SRD5A2: variants seen among roughly 807,000 people sequenced by gnomAD.
SRD5A2 encodes steroid 5 alpha-reductase 2, also known as 3-oxo-5-alpha-steroid 4-dehydrogenase 2.
Under a neutral mutation model 27.4 loss-of-function variants are expected in SRD5A2, and 30 were observed. The ratio of observed to expected loss-of-function variants is 1.10; its 90% CI spans 0.82 to 1.49. The LOEUF (loss-of-function observed/expected upper bound fraction) is 1.49, where lower values mean the gene tolerates loss of function less well. Ranked by LOEUF, SRD5A2 falls within the 40% of genes most tolerant of loss-of-function variation. The pLI, the probability that SRD5A2 is intolerant of heterozygous loss-of-function variation, is 0.00. For missense variants in SRD5A2, 348 were observed against 323.4 expected, an observed-to-expected ratio of 1.08 and a Z score of -0.58; for synonymous variants, 141 against 133.6, an observed-to-expected ratio of 1.06 and a Z score of -0.38.
the SRD5A2 span, among the ~76,000 whole-genome samples, chr2:31,619,593 C>T: frequency 6.6e-6 from 1 of 152,050 alleles, no homozygotes; most frequent in Non-Finnish European, 1.5e-5. Context: ...CACAACCTCA[C>T]CAGCATCTGT....
intron 1 of SRD5A2, among the ~76,000 whole-genome samples, chr2:31,555,481 A>G (rs183966809): frequency 6.6e-6 from 1 of 152,168 alleles, no homozygotes; most frequent in East Asian, 1.9e-4. Flanking sequence ...TTTTTCTAGG[A>G]CTGTTTATTT....
chr2:31,637,193 A>G, the SRD5A2 span, among the ~76,000 whole-genome samples: 1 of 151,946 alleles, frequency 6.6e-6, no homozygotes, highest in Non-Finnish European at 1.5e-5. Flanking sequence ...TCATTCTTCA[A>G]TCATGGTAAG....
intron 1 of SRD5A2, among the ~76,000 whole-genome samples, chr2:31,572,711 G>T (rs1666876609): frequency 6.6e-6 from 1 of 152,156 alleles, no homozygotes; most frequent in East Asian, 1.9e-4. Flanking sequence ...AAAGATAGAA[G>T]TAAGATCATG....
At chr2:31,656,074 G>A in the SRD5A2 span, among the ~76,000 whole-genome samples, 2 of 152,198 alleles carry the variant, frequency 1.3e-5, no homozygotes, top group Admixed American at 1.3e-4. Flanking sequence ...TCTCTGTGAA[G>A]CAGAAGACAA....
upstream of SRD5A2, among the ~76,000 whole-genome samples, chr2:31,582,773 CCTT>C (rs1170589259): frequency 3.9e-5 from 6 of 152,188 alleles, no homozygotes; most frequent in African/African-American, 1.4e-4. Context: ...CCCAAATTCT[CCTT>C]CTATGTTCCT....
At chr2:31,587,263 G>T in the SRD5A2 span, among the ~76,000 whole-genome samples, 1 of 152,182 alleles carries the variant, frequency 6.6e-6, no homozygotes, top group African/African-American at 2.4e-5. Context: ...AACAGATGCT[G>T]GCAAAGCTGT....
chr2:31,544,291 A>G (rs903858654), intron 1 of SRD5A2, among the ~76,000 whole-genome samples: 1 of 152,030 alleles, frequency 6.6e-6, no homozygotes, highest in Non-Finnish European at 1.5e-5. Flanking sequence ...TAGACAGAAT[A>G]TAAGTAATGA....
At chr2:31,619,142 A>G in the SRD5A2 span, among the ~76,000 whole-genome samples, 1 of 152,126 alleles carries the variant, frequency 6.6e-6, no homozygotes, top group African/African-American at 2.4e-5. Flanking sequence ...GGATGGCTAT[A>G]ATCAAAAAGA....
intron 1 of SRD5A2, among the ~76,000 whole-genome samples, chr2:31,554,949 GTGTGTGTGTGTGTGTGTGTA>G (rs1243454814): frequency 6.7e-6 from 1 of 149,882 alleles, no homozygotes; most frequent in Non-Finnish European, 1.5e-5. Flanking sequence ...GTGTGTGTGT[GTGTGTGTGTGTGTGTGTGTA>G]TGTGTGTGTG....
the SRD5A2 span, among the ~76,000 whole-genome samples, chr2:31,647,233 C>T: frequency 6.6e-6 from 1 of 152,098 alleles, no homozygotes; most frequent in Admixed American, 6.5e-5. Context: ...CTTTTCACAC[C>T]TTAGCGTGTA....
At chr2:31,567,891 G>A (rs1266058537) in intron 1 of SRD5A2, among the ~76,000 whole-genome samples, 2 of 152,016 alleles carry the variant, frequency 1.3e-5, no homozygotes, top group African/African-American at 2.4e-5. Context: ...CATGCTACAG[G>A]CCTGGATCCC....
the SRD5A2 span, among the ~76,000 whole-genome samples, chr2:31,614,040 G>A: frequency 6.6e-6 from 1 of 152,100 alleles, no homozygotes; most frequent in South Asian, 2.1e-4. Context: ...TTCTGCAACT[G>A]TCCCCTCTCA....
the SRD5A2 span, among the ~76,000 whole-genome samples, chr2:31,590,050 A>G: frequency 2.0e-5 from 3 of 152,072 alleles, no homozygotes; most frequent in Non-Finnish European, 4.4e-5. Flanking sequence ...TAATCCCCCT[A>G]GGAACATAAC....
the SRD5A2 span, among the ~76,000 whole-genome samples, chr2:31,640,108 T>C: frequency 1.3e-5 from 2 of 152,052 alleles, no homozygotes; most frequent in Non-Finnish European, 2.9e-5. Flanking sequence ...ATTGTTTCTT[T>C]TGCTTAGTTC....
At chr2:31,608,435 G>A in the SRD5A2 span, among the ~76,000 whole-genome samples, 19 of 151,868 alleles carry the variant, frequency 1.3e-4, no homozygotes, top group East Asian at 3.7e-3. Flanking sequence ...GGCAGGAAAG[G>A]AAAACCAAAA....
chr2:31,591,627 C>A, the SRD5A2 span, among the ~76,000 whole-genome samples: 2 of 151,786 alleles, frequency 1.3e-5, no homozygotes, highest in African/African-American at 4.8e-5. Flanking sequence ...GCTATAAAGA[C>A]ACATGCACAC....
rs1665739207 is a variant in SRD5A2 at position 31,524,900 on chromosome 2, TCAA to T, written c.*1293_*1295del. On this transcript the variant is annotated 3_prime_UTR_variant, in exon 5 of 5. Transcript: ENST00000622030. Reference sequence around the variant, plus strand: ...GACCCCTTCACAAGAGTTTGCAAACTCAAATGCTTACTAGCTACGTAGTTCCAG... The same window carrying T: ...GACCCCTTCACAAGAGTTTGCAAACTATGCTTACTAGCTACGTAGTTCCAG... 1.3e-5 allele frequency: 3 copies of T among 226,718 alleles called. No homozygotes were observed. Among genetic ancestry groups the T allele is most frequent in the Non-Finnish European group, 1.8e-5 (2 of 113,978 alleles). The allele number at this position is 226,718 out of a possible 1,614,324, so 14.0% of individuals were successfully genotyped here.
chr2:31,542,384 C>T (rs1666146298), intron 1 of SRD5A2, among the ~76,000 whole-genome samples: 1 of 152,104 alleles, frequency 6.6e-6, no homozygotes, highest in Non-Finnish European at 1.5e-5. Flanking sequence ...GGATGGCACA[C>T]ACCTGTAGTC....
chr2:31,643,297 A>T, the SRD5A2 span, among the ~76,000 whole-genome samples: 7 of 152,180 alleles, frequency 4.6e-5, no homozygotes, highest in Admixed American at 3.9e-4. Context: ...GTATAAATAT[A>T]TTCAAGACAA....
Sources: gnomAD v4.1 joint callset for allele counts (sites outside exome capture counted in the v4.1 genomes callset) on GRCh38, gnomAD v4.1.1 for gene constraint, MANE v1.5 for transcripts, NCBI Gene and HGNC (gene_info 2026-07-23, HGNC 2026-07-21) for gene names.